MIB1: variants seen among roughly 807,000 people sequenced by gnomAD.
MIB1 encodes MIB E3 ubiquitin protein ligase 1, also known as E3 ubiquitin-protein ligase MIB1.
A neutral mutation model predicts 124.5 loss-of-function variants in MIB1; 278 were observed. That is an observed-to-expected ratio of 2.23 (90% CI 2.02 to 2.47). The LOEUF (loss-of-function observed/expected upper bound fraction) is 2.47, where lower values mean the gene tolerates loss of function less well. Among genes scored for constraint, MIB1 ranks in the 30% most tolerant of loss-of-function variants. MIB1 has a pLI of 0.00. For synonymous variants in MIB1, 446 were observed against 429.4 expected (o/e 1.04, Z -0.48); for missense variants, 957 against 1,254.4 (o/e 0.76, Z 3.58).
intron 7 of MIB1, among the ~76,000 whole-genome samples, chr18:21,793,490 A>G (rs1426217080): frequency 6.6e-6 from 1 of 152,178 alleles, no homozygotes; most frequent in Non-Finnish European, 1.5e-5. Flanking sequence ...CAGATAGTGA[A>G]AGTATATCAG....
chr18:21,764,021 A>C (rs1438990800), intron 1 of MIB1, among the ~76,000 whole-genome samples: 1 of 151,942 alleles, frequency 6.6e-6, no homozygotes, highest in Non-Finnish European at 1.5e-5. Flanking sequence ...TGATACTTGA[A>C]AGCAGCAGAG....
intron 6 of MIB1, among the ~76,000 whole-genome samples, chr18:21,785,700 C>T (rs1332529510): frequency 6.6e-6 from 1 of 152,074 alleles, no homozygotes; most frequent in Admixed American, 6.5e-5. Flanking sequence ...ATTACTTTTA[C>T]CAGGGAATTT....
chr18:21,818,731 C>CT (rs1233239650), intron 11 of MIB1, among the ~76,000 whole-genome samples: 1 of 151,916 alleles, frequency 6.6e-6, no homozygotes, highest in Non-Finnish European at 1.5e-5. Context: ...GGTCAGGAGT[C>CT]TGAGACCAGC....
rs2042330356 is a variant in MIB1, at chr18:21,867,767, A to G, written c.*3101A>G. ...TTCAAATATCAAAACTTGCTGGGTC[A>G]TTTTTACATAGTAGAAACATACTGT... On this transcript the variant is annotated 3_prime_UTR_variant, in exon 21 of 21. Coordinates refer to ENST00000261537, the MANE Select transcript of MIB1 (RefSeq NM_020774.4). The G allele has an allele frequency of 6.6e-6, 1 of 152,562 alleles. No homozygotes were observed. Among genetic ancestry groups the G allele is most frequent in the African/African-American group, 2.4e-5 (1 of 41,454 alleles). The allele number at this position is 152,562 out of a possible 1,614,324, so 9.5% of individuals were successfully genotyped here.
chr18:21,740,570 T>G (rs1386046738), upstream of MIB1, among the ~76,000 whole-genome samples: 1 of 152,234 alleles, frequency 6.6e-6, no homozygotes, highest in Non-Finnish European at 1.5e-5. Context: ...ACTGGCCACA[T>G]CACAGCCGCA....
chr18:21,716,881 G>T (rs185964074), intron 1 of MIB1, among the ~76,000 whole-genome samples: 37 of 152,082 alleles, frequency 2.4e-4, no homozygotes, highest in African/African-American at 8.7e-4. Context: ...AAAGGATACA[G>T]AATTGCAGAA....
In MIB1 at chr18:21,869,022, C is replaced by G. The variant is rs1252299864; in HGVS notation, c.*4356C>G. On this transcript the variant is annotated 3_prime_UTR_variant, in exon 21 of 21. Coordinates refer to ENST00000261537, the MANE Select transcript of MIB1 (RefSeq NM_020774.4). ...AGTATTACTTTTTCCAGCATTTATT[C>G]TTATTTGTGAGTAAAGAGGAAATGG... 1 of 152,278 alleles carries G rather than the reference C, an allele frequency of 6.6e-6. No homozygotes were observed. The highest frequency in any genetic ancestry group is 2.4e-5 in the African/African-American group (1 of 41,376). The allele number at this position is 152,278 out of a possible 1,614,324, so 9.4% of individuals were successfully genotyped here.
rs2042345629 is a variant in MIB1 at position 21,870,176 on chromosome 18, T to C, written c.*5510T>C. The stretch of plus-strand genomic sequence containing the variant: ...AAACCTATGGTGTAATATCATATAA[T>C]GCTTTTCTTTGATCTTTGGAGAATT... On this transcript the variant is annotated 3_prime_UTR_variant, in exon 21 of 21. Transcript: ENST00000261537. 1 of 152,614 alleles carries C rather than the reference T, an allele frequency of 6.6e-6. No individual in the cohort carries two copies. The highest frequency in any genetic ancestry group is 1.9e-4 in the East Asian group (1 of 5,198). 9.5% of individuals were successfully genotyped at this position (152,614 alleles called of 1,614,324 possible).
intron 12 of MIB1, chr18:21,830,545 T>C (rs2041969405): frequency 6.6e-6 from 1 of 152,136 alleles, no homozygotes; most frequent in African/African-American, 2.4e-5. Flanking sequence ...AGAACATATA[T>C]TGAGTCAATA....
At chr18:21,757,094 A>T (rs2041040997) in intron 1 of MIB1, among the ~76,000 whole-genome samples, 3 of 151,940 alleles carry the variant, frequency 2.0e-5, no homozygotes, top group African/African-American at 7.3e-5. Context: ...TGCAACTCTT[A>T]CTATGGTAAG....
intron 1 of MIB1, among the ~76,000 whole-genome samples, chr18:21,763,299 G>A (rs980162508): frequency 2.6e-5 from 4 of 152,096 alleles, no homozygotes; most frequent in Admixed American, 6.5e-5. Flanking sequence ...TTACCATATT[G>A]TATACAGGTT....
intron 4 of MIB1, among the ~76,000 whole-genome samples, 193 bp downstream of exon 4, chr18:21,773,921 G>C (rs2041251476): frequency 6.6e-6 from 1 of 152,080 alleles, no homozygotes; most frequent in African/African-American, 2.4e-5. Context: ...ACTATATATT[G>C]GTGGTGTAGA....
chr18:21,768,590 T>A, intron 2 of MIB1, 33 bp from the exon 3 acceptor site: 1 of 1,417,406 alleles, frequency 7.1e-7, no homozygotes, highest in Non-Finnish European at 9.5e-7. Flanking sequence ...CCTATTTTTA[T>A]ATAAACTTGA....
At chr18:21,846,817 A>G (rs1015641090) in intron 15 of MIB1, 127 bp from the exon 16 acceptor site, 2 of 809,066 alleles carry the variant, frequency 2.5e-6, no homozygotes, top group Non-Finnish European at 3.9e-6. Flanking sequence ...CCAGGGGTAG[A>G]GTGGTGGGGA....
intron 10 of MIB1, among the ~76,000 whole-genome samples, chr18:21,814,701 G>C (rs1371353162): frequency 1.3e-5 from 2 of 151,886 alleles, no homozygotes; most frequent in African/African-American, 4.8e-5. Flanking sequence ...AGCCTCCCGG[G>C]TAGCTGGGAT....
chr18:21,838,247 T>C, intron 12 of MIB1, 118 bp from the exon 13 acceptor site: 1 of 622,644 alleles, frequency 1.6e-6, no homozygotes, highest in Admixed American at 3.7e-5. Context: ...GTAGAATTTC[T>C]ATTTGTCTCT....
chr18:21,862,643 G>A (rs977318495), intron 20 of MIB1, among the ~76,000 whole-genome samples: 1 of 152,136 alleles, frequency 6.6e-6, no homozygotes, highest in Non-Finnish European at 1.5e-5. Context: ...GTAATACAGT[G>A]CAGCACAGTG....
intron 6 of MIB1, among the ~76,000 whole-genome samples, chr18:21,784,771 A>G (rs2041414869): frequency 6.6e-6 from 1 of 152,174 alleles, no homozygotes; most frequent in Non-Finnish European, 1.5e-5. Context: ...TGGTAACGCC[A>G]GTGCCTGGGA....
chr18:21,839,249 A>G (rs2042060794), intron 13 of MIB1, among the ~76,000 whole-genome samples: 1 of 152,202 alleles, frequency 6.6e-6, no homozygotes, highest in African/African-American at 2.4e-5. Context: ...TCCAAAAACT[A>G]CAGAAATTTA....
Sources: gnomAD v4.1 joint callset for allele counts (sites outside exome capture counted in the v4.1 genomes callset) on GRCh38, gnomAD v4.1.1 for gene constraint, MANE v1.5 for transcripts, NCBI Gene and HGNC (gene_info 2026-07-23, HGNC 2026-07-21) for gene names.